Variants in BRWD1 observed in about 807,000 individuals in gnomAD.
BRWD1 encodes the protein bromodomain and WD repeat domain containing 1, also known as bromodomain and WD repeat-containing protein 1.
In BRWD1, 82 loss-of-function variants were observed where a neutral mutation model predicts 251.2. The ratio of observed to expected loss-of-function variants is 0.33; its 90% CI spans 0.27 to 0.39. BRWD1 has a LOEUF of 0.39. Ranked by LOEUF, BRWD1 falls within the 10% of genes least tolerant of loss-of-function variation. BRWD1 has a pLI of 1.00. For missense variants in BRWD1, 2,233 were observed against 2,711.6 expected (o/e 0.82, Z 3.92); for synonymous variants, 918 against 902.8 (o/e 1.02, Z -0.30).
chr21:39,233,539 A>G (rs2033699749), intron 23 of BRWD1, among the ~76,000 whole-genome samples: 1 of 152,188 alleles, frequency 6.6e-6, no homozygotes, highest in African/African-American at 2.4e-5. Flanking sequence ...GCAATAACAC[A>G]CACACACAAA....
chr21:39,208,510 G>T (rs1317339644), intron 36 of BRWD1, among the ~76,000 whole-genome samples: 1 of 152,178 alleles, frequency 6.6e-6, no homozygotes, highest in South Asian at 2.1e-4. Flanking sequence ...AAAAAATGTT[G>T]TAAGATCAAA....
At chr21:39,314,406 C>A (rs1323225224), upstream of BRWD1, 8 of 449,424 alleles carry the variant, frequency 1.8e-5, no homozygotes, top group African/African-American at 1.6e-4. Context: ...TCGGCTGGAT[C>A]CATCCAAGCA....
chr21:39,314,060 G>A (rs1426008802), upstream of BRWD1: 1 of 455,970 alleles, frequency 2.2e-6, no homozygotes, highest in Non-Finnish European at 4.4e-6. Context: ...AAGGTCGCCC[G>A]CTCCGGGTCG....
chr21:39,218,583 C>A lies in BRWD1; in HGVS notation c.3460G>T (p.Ala1154Ser). The change falls in exon 30 of 41, where the codon GCT becomes TCT. Residue 1154 changes from alanine (A) to serine (S), a missense_variant. By Grantham distance (99) the Ala-to-Ser change is moderately conservative (BLOSUM62 1). Transcript: ENST00000342449. Reference protein sequence around the residue: ...ELEKLLYKPQAGEWGQKSRDE... With the variant: ...ELEKLLYKPQSGEWGQKSRDE... ...CTTGATTTCTGACCCCATTCACCAG[C>A]TTGTGGTTTATAGAGCAATTTCTCT... 1.2e-6 allele frequency: 2 copies of A among 1,612,598 alleles called. No homozygotes were observed. The highest frequency in any genetic ancestry group is 1.7e-6 in the Non-Finnish European group (2 of 1,179,406).
At position 39,264,696 on chromosome 21, in the gene BRWD1, G is replaced by C. The variant is rs779935906; in HGVS notation, c.1660-11C>G. 2 of 1,576,780 alleles carry C rather than the reference G, an allele frequency of 1.3e-6. No homozygotes were observed. Among genetic ancestry groups the C allele is most frequent in the Non-Finnish European group, 1.7e-6 (2 of 1,155,132 alleles). ...CATCTGATCAGGAATCTAGAAAAAT[G>C]AAGTTCACAGGATGACATTTTAAGG... On this transcript the variant is annotated splice_polypyrimidine_tract_variant and intron_variant, in intron 16 of 40. Transcript: ENST00000342449.
In BRWD1 at chr21:39,190,569, T is replaced by C. The variant is rs2031499600; in HGVS notation, c.*5690A>G. The stretch of plus-strand genomic sequence containing the variant: ...AAGCAAGCCTTTTATCAGAAAAGAC[T>C]TGAGATATTCTCTCCTCTGTCTGCC... On this transcript the variant is annotated 3_prime_UTR_variant, in exon 41 of 41. Transcript: ENST00000342449. 1 of 985,276 alleles carries C rather than the reference T, an allele frequency of 1.0e-6. No individual in the cohort carries two copies. Among genetic ancestry groups the C allele is most frequent in the Non-Finnish European group, 1.2e-6 (1 of 829,924 alleles). 61.0% of individuals were successfully genotyped at this position (985,276 alleles called of 1,614,324 possible). A position where few individuals can be genotyped will look rare whatever the true frequency, so the allele number is the denominator to read the frequency against.
upstream of BRWD1, among the ~76,000 whole-genome samples, chr21:39,316,562 G>C (rs888799869): frequency 3.3e-5 from 5 of 152,164 alleles, no homozygotes; most frequent in African/African-American, 1.2e-4. Flanking sequence ...GATATTACAA[G>C]AATTTATATC....
intron 17 of BRWD1, among the ~76,000 whole-genome samples, chr21:39,263,100 G>A (rs1223581635): frequency 6.6e-6 from 1 of 152,088 alleles, no homozygotes; most frequent in Non-Finnish European, 1.5e-5. Context: ...GTAAGACCCT[G>A]TCTCAAAAAA....
At chr21:39,307,525 C>A (rs960323049) in intron 4 of BRWD1, among the ~76,000 whole-genome samples, 1 of 151,930 alleles carries the variant, frequency 6.6e-6, no homozygotes, top group Admixed American at 6.6e-5. Flanking sequence ...TTGTACTTTC[C>A]TTTTTCTTCA....
At position 39,213,913 on chromosome 21, in the gene BRWD1, A is replaced by AT. The variant is rs964600689; in HGVS notation, c.3786-361_3786-360insA. ...AAAACAGTTGATTTAAGGTAAAAAA[A>AT]ATATATATATATACATATATATATA... On this transcript the variant is annotated intron_variant, in intron 32 of 40. Coordinates refer to ENST00000342449, the MANE Select transcript of BRWD1 (RefSeq NM_033656.4). Among the ~76,000 whole-genome samples, 35 of 150,256 alleles carry AT rather than the reference A, an allele frequency of 2.3e-4. 2 individuals carry two copies. Among genetic ancestry groups the AT allele is most frequent in the Middle Eastern group, 3.5e-3 (1 of 284 alleles).
Position 39,298,480 on chromosome 21 carries a change from T to G in BRWD1, c.301A>C (p.Thr101Pro). The G allele has an allele frequency of 3.7e-6, 6 of 1,609,538 alleles. No homozygotes were observed. The highest frequency in any genetic ancestry group is 5.1e-6 in the Non-Finnish European group (6 of 1,178,624). The change falls in exon 5 of 41, where the codon ACT (threonine) becomes CCT (proline). Residue 101 changes from threonine (T) to proline (P), a missense_variant. Transcript: ENST00000342449. ...TGCCTTCCTGCACCAAGTAAAGAAG[T>G]GACTCTTGAAATACTGGGTGGAATT... ...KEIPPSISRV[T>P]SLLGAGRQSL...
In BRWD1 at chr21:39,200,352, C is replaced by T; in HGVS notation, c.4620G>A (p.Leu1540=). The T allele has an allele frequency of 6.2e-7, 1 of 1,612,864 alleles. No homozygotes were observed. Reference sequence around the variant, plus strand: ...CAGAACTACTGGAAGCTGACGATGACAAAGAGGTAGCTAAAGAATCTTCCA... The same window carrying T: ...CAGAACTACTGGAAGCTGACGATGATAAAGAGGTAGCTAAAGAATCTTCCA... The part of the protein sequence containing the change: ...SEVEDSLATS[L]SSSASSSSEE... Residue 1540 remains leucine, a synonymous_variant, in exon 39 of 41, where the codon TTG becomes TTA. Transcript: ENST00000342449.
At chr21:39,218,345 T>C in intron 30 of BRWD1, 73 bp from the exon 31 acceptor site, 1 of 1,513,402 alleles carries the variant, frequency 6.6e-7, no homozygotes, top group South Asian at 1.3e-5. Flanking sequence ...TAGAAATCAT[T>C]CATAAGATAT....
At chr21:39,309,692 G>A (rs1316666464) in intron 4 of BRWD1, among the ~76,000 whole-genome samples, 1 of 152,090 alleles carries the variant, frequency 6.6e-6, no homozygotes, top group Non-Finnish European at 1.5e-5. Flanking sequence ...GGGCGTGGTG[G>A]CGGACGCCTG....
At chr21:39,197,635 A>C (rs745662329) in intron 40 of BRWD1, among the ~76,000 whole-genome samples, 1 of 152,294 alleles carries the variant, frequency 6.6e-6, no homozygotes, top group African/African-American at 2.4e-5. Flanking sequence ...AACATCACAG[A>C]GTGTGCTTAC....
chr21:39,299,155 G>A (rs2036037423), intron 4 of BRWD1, among the ~76,000 whole-genome samples: 2 of 152,052 alleles, frequency 1.3e-5, no homozygotes, highest in South Asian at 2.1e-4. Context: ...CCCAGGAGGT[G>A]GAGGTTGCAG....
intron 37 of BRWD1, among the ~76,000 whole-genome samples, chr21:39,205,039 A>G (rs146181089): frequency 1.0e-3 from 159 of 152,350 alleles, no homozygotes; most frequent in African/African-American, 3.5e-3. Flanking sequence ...AAAATCTATA[A>G]TTTTACATAT....
chr21:39,294,711 G>C (rs1331535624), intron 7 of BRWD1, among the ~76,000 whole-genome samples: 2 of 150,532 alleles, frequency 1.3e-5, no homozygotes, highest in African/African-American at 2.5e-5. Context: ...TGAATGTGAT[G>C]AATGTTGGAA....
chr21:39,189,801 G>C lies in BRWD1; in HGVS notation c.*6458C>G, dbSNP rs1275671519. 1.0e-6 allele frequency: 1 copy of C among 985,104 alleles called. No homozygotes were observed. The highest frequency in any genetic ancestry group is 1.2e-6 in the Non-Finnish European group (1 of 829,836). The allele number at this position is 985,104 out of a possible 1,614,324, so 61.0% of individuals were successfully genotyped here. A position where few individuals can be genotyped will look rare whatever the true frequency, so the allele number is the denominator to read the frequency against. On this transcript the variant is annotated 3_prime_UTR_variant, in exon 41 of 41. Transcript: ENST00000342449. The stretch of plus-strand genomic sequence containing the variant: ...AGAAATATATATAGGATATTTCAGG[G>C]TTAGAAGTCAAATTTGTGTGTTAGG...
Sources: gnomAD v4.1 joint callset for allele counts (sites outside exome capture counted in the v4.1 genomes callset) on GRCh38, gnomAD v4.1.1 for gene constraint, MANE v1.5 for transcripts, NCBI Gene and HGNC (gene_info 2026-07-23, HGNC 2026-07-21) for gene names.